Variants in WDPCP observed in about 807,000 individuals in gnomAD.
WDPCP encodes the protein WD repeat containing planar cell polarity effector.
WDPCP carries 71 observed loss-of-function variants against 93.1 expected under a neutral mutation model. The ratio of observed to expected loss-of-function variants is 0.76; its 90% CI spans 0.63 to 0.93. The LOEUF is 0.93. WDPCP is among the 40% of genes least tolerant of loss of function. The pLI is 0.00. For synonymous variants in WDPCP, 315 were observed against 315.0 expected (o/e 1.00, Z 0.00); for missense variants, 844 against 887.4 (o/e 0.95, Z 0.62).
At chr2:63,635,119 C>G (rs1304477428) in intron 3 of WDPCP, among the ~76,000 whole-genome samples, 1 of 151,916 alleles carries the variant, frequency 6.6e-6, no homozygotes, top group East Asian at 1.9e-4. Context: ...AATTGGATAA[C>G]CTAGAAGAAA....
intron 2 of WDPCP, chr2:63,751,687 G>T: frequency 2.0e-6 from 1 of 504,026 alleles, no homozygotes; most frequent in South Asian, 1.6e-5. Context: ...TTTCCTGGTA[G>T]TAACTAAAAT....
intron 2 of WDPCP, among the ~76,000 whole-genome samples, chr2:63,766,859 T>C (rs1187473269): frequency 6.6e-6 from 1 of 152,214 alleles, no homozygotes; most frequent in Non-Finnish European, 1.5e-5. Flanking sequence ...CTTTTCATTT[T>C]GTAAAACTGA....
At position 63,546,166 on chromosome 2, in the gene WDPCP, C is replaced by G. The variant is rs150741097; in HGVS notation, c.75+42031G>C. Among the ~76,000 whole-genome samples, 483 of 152,230 alleles carry G rather than the reference C, an allele frequency of 3.2e-3. 3 individuals are homozygous for G. The highest frequency in any genetic ancestry group is 4.2e-3 in the Non-Finnish European group (283 of 68,020). ...TTAGCCTGTAATTAGCTCCTCTGAT[C>G]AGCAAAATGGAGAAATGGGGTAACA... On this transcript the variant is annotated intron_variant, in intron 1 of 17. Coordinates refer to ENST00000272321, the MANE Select transcript of WDPCP (RefSeq NM_015910.7).
At chr2:63,724,556 A>G (rs1261994097) in intron 2 of WDPCP, among the ~76,000 whole-genome samples, 1 of 152,210 alleles carries the variant, frequency 6.6e-6, no homozygotes, top group East Asian at 1.9e-4. Flanking sequence ...TGCTTATGGG[A>G]GCATCAGAGA....
intron 10 of WDPCP, among the ~76,000 whole-genome samples, chr2:63,402,047 G>C (rs1575337068): frequency 6.6e-6 from 1 of 152,006 alleles, no homozygotes; most frequent in Non-Finnish European, 1.5e-5. Context: ...ATTTAAGATA[G>C]CAAAGACATG....
At chr2:63,144,019 T>G (rs1671282285) in intron 17 of WDPCP, among the ~76,000 whole-genome samples, 1 of 152,232 alleles carries the variant, frequency 6.6e-6, no homozygotes, top group Non-Finnish European at 1.5e-5. Flanking sequence ...TCCTTGATTA[T>G]TCCCCCAGAT....
chr2:63,829,749 T>C (rs1671164979), upstream of WDPCP, among the ~76,000 whole-genome samples: 1 of 152,152 alleles, frequency 6.6e-6, no homozygotes. Context: ...ATTTGTATTA[T>C]TTGCTCTGTT....
At chr2:63,751,582 G>A in intron 2 of WDPCP, 1 of 444,746 alleles carries the variant, frequency 2.2e-6, no homozygotes, top group Non-Finnish European at 4.4e-6. Flanking sequence ...TAGCAGCTAG[G>A]CCCTGCCACC....
intron 10 of WDPCP, among the ~76,000 whole-genome samples, chr2:63,396,729 T>C (rs761848131): frequency 1.4e-4 from 22 of 152,076 alleles, no homozygotes; most frequent in Non-Finnish European, 2.6e-4. Flanking sequence ...ACTCATATCA[T>C]GGGGGCCTGT....
intron 9 of WDPCP, among the ~76,000 whole-genome samples, chr2:63,413,786 A>AAAACAAACAAACAAAC (rs35156273): frequency 6.6e-6 from 1 of 150,504 alleles, no homozygotes; most frequent in Non-Finnish European, 1.5e-5. Context: ...TCTGTCTCAA[A>AAAACAAACAAACAAAC]AAACAAACAA....
intron 2 of WDPCP, among the ~76,000 whole-genome samples, chr2:63,670,673 G>A (rs940313444): frequency 2.6e-5 from 4 of 152,158 alleles, no homozygotes; most frequent in African/African-American, 4.8e-5. Flanking sequence ...AAGCGGTGAT[G>A]AGAACCAACA....
chr2:63,442,968 A>C (rs1224199418), intron 6 of WDPCP: 1 of 152,158 alleles, frequency 6.6e-6, no homozygotes, highest in Non-Finnish European at 1.5e-5. Flanking sequence ...AGCCAAAAGC[A>C]TGCATACACT....
At chr2:63,735,456 C>G (rs79405094) in intron 2 of WDPCP, among the ~76,000 whole-genome samples, 2,548 of 152,224 alleles carry the variant, frequency 0.017, 22 homozygotes, top group African/African-American at 0.018. Context: ...AGGAGCAATG[C>G]GCCACAGGAT....
Position 63,433,768 on chromosome 2 carries a change from C to T in WDPCP, c.802G>A (p.Gly268Ser), listed in dbSNP as rs17617459. 0.055 allele frequency: 89,037 copies of T among 1,612,906 alleles called. 3,030 individuals are homozygous for T. The highest frequency in any genetic ancestry group is 0.063 in the Non-Finnish European group (74,683 of 1,179,386). Residue 268 changes from glycine (G) to serine (S), a missense_variant, in exon 9 of 18, where the codon GGT becomes AGT. Coordinates refer to ENST00000272321, the MANE Select transcript of WDPCP (RefSeq NM_015910.7). The stretch of plus-strand genomic sequence containing the variant: ...ACCTCTAGTCTTCCTTGAGCATAAC[C>T]CAGGAGGAGTAGATTGGCTCTGTCC... ...EKDRANLLLL[G>S]YAQGRLEVLS...
rs575047215 is a variant in WDPCP, at chr2:63,334,788, TC to T, written c.1749-21478del. ...GGGAAAAGTCAAGTTGGAAACTGAG[TC>T]ACACGAACCTGCCTCCAATTTTATT... is the stretch of plus-strand genomic sequence containing the variant. On this transcript the variant is annotated intron_variant, in intron 12 of 17. Coordinates refer to ENST00000272321, the MANE Select transcript of WDPCP (RefSeq NM_015910.7). 1.1e-4 allele frequency among the ~76,000 whole-genome samples: 16 copies of T among 151,936 alleles called. No individual in the cohort carries two copies. The South Asian group carries it at 3.3e-3, about 32-fold the overall frequency.
intron 1 of WDPCP, among the ~76,000 whole-genome samples, chr2:63,817,205 G>A (rs1670948577): frequency 6.6e-6 from 1 of 151,872 alleles, no homozygotes; most frequent in Non-Finnish European, 1.5e-5. Flanking sequence ...TGCTTCCTAG[G>A]TTCAAGCAAT....
chr2:63,491,787 G>A (rs542782770), intron 2 of WDPCP, among the ~76,000 whole-genome samples: 1 of 151,980 alleles, frequency 6.6e-6, no homozygotes, highest in Non-Finnish European at 1.5e-5. Flanking sequence ...TACAATATCT[G>A]GCTCCTCAAA....
intron 12 of WDPCP, among the ~76,000 whole-genome samples, chr2:63,336,806 TA>T (rs1688404634): frequency 6.6e-6 from 1 of 151,730 alleles, no homozygotes; most frequent in Non-Finnish European, 1.5e-5. Context: ...TAAATATATT[TA>T]TATATATATT....
chr2:63,393,181 T>G (rs961888577), intron 10 of WDPCP, among the ~76,000 whole-genome samples: 1 of 152,146 alleles, frequency 6.6e-6, no homozygotes, highest in Admixed American at 6.5e-5. Flanking sequence ...GTGGCACATA[T>G]ACACCATGGA....
Sources: gnomAD v4.1 joint callset for allele counts (sites outside exome capture counted in the v4.1 genomes callset) on GRCh38, gnomAD v4.1.1 for gene constraint, MANE v1.5 for transcripts, NCBI Gene and HGNC (gene_info 2026-07-23, HGNC 2026-07-21) for gene names.